The following CCDC82 variants were observed in gnomAD, a reference collection of about 807,000 sequenced individuals.
The protein encoded by CCDC82 is coiled-coil domain-containing protein 82.
Under a neutral mutation model 60.6 loss-of-function variants are expected in CCDC82, and 47 were observed. The ratio of observed to expected loss-of-function variants is 0.77; its 90% CI spans 0.61 to 0.99. The LOEUF (loss-of-function observed/expected upper bound fraction) is 0.99. Ranked by LOEUF, CCDC82 falls within the 50% of genes least tolerant of loss-of-function variation. The pLI, the probability that CCDC82 is intolerant of heterozygous loss-of-function variation, is 0.00. For missense variants in CCDC82, 588 were observed against 633.0 expected (o/e 0.93, Z 0.76); for synonymous variants, 212 against 207.4 (o/e 1.02, Z -0.19).
In CCDC82 at chr11:96,359,188, GA is replaced by G. The variant is rs746133898; in HGVS notation, c.1381-11del. The G allele has an allele frequency of 1.3e-6, 2 of 1,548,284 alleles. No homozygotes were observed. Among genetic ancestry groups the G allele is most frequent in the East Asian group, 4.7e-5 (2 of 42,368 alleles). ...TGCCAACAGTGAACACCTAAATCAA[GA>G]AATAAAGATTGTTATCTGACAACGA... On this transcript the variant is annotated splice_polypyrimidine_tract_variant and intron_variant, in intron 8 of 9. Transcript: ENST00000646818.
intron 7 of CCDC82, 131 bp downstream of exon 7, chr11:96,370,882 G>A (rs1479941700): frequency 8.2e-6 from 6 of 728,152 alleles, no homozygotes; most frequent in Non-Finnish European, 1.2e-5. Flanking sequence ...TAGAAGATGT[G>A]AGAAATAATA....
In CCDC82 at chr11:96,362,069, A is replaced by C. The variant is rs372372518; in HGVS notation, c.1381-2891T>G. 1.9e-3 allele frequency among the ~76,000 whole-genome samples: 297 copies of C among 152,328 alleles called. 2 individuals carry two copies. The highest frequency in any genetic ancestry group is 0.012 in the South Asian group (60 of 4,830). On this transcript the variant is annotated intron_variant, in intron 8 of 9. Transcript: ENST00000646818. Reference sequence around the variant, plus strand: ...GTAAAAATTGGAAATGGAGCTAAAAATTGTCACTGAATTTTGCTAAAGCAG... The same window carrying C: ...GTAAAAATTGGAAATGGAGCTAAAACTTGTCACTGAATTTTGCTAAAGCAG...
At chr11:96,357,121 G>A in intron 9 of CCDC82, 1 of 985,448 alleles carries the variant, frequency 1.0e-6, no homozygotes, top group Non-Finnish European at 1.2e-6. Context: ...AAGGCACACA[G>A]TGAGAGGGAC....
chr11:96,369,599 T>A (rs1865150533), intron 7 of CCDC82, among the ~76,000 whole-genome samples: 1 of 152,194 alleles, frequency 6.6e-6, no homozygotes, highest in Admixed American at 6.5e-5. Flanking sequence ...TATATGGGCA[T>A]GGTTTCTGTC....
chr11:96,357,938 G>C (rs79911824), intron 9 of CCDC82: 23 of 985,394 alleles, frequency 2.3e-5, no homozygotes, highest in East Asian at 2.3e-4. Context: ...ATCAAGATGT[G>C]GGGGGCAGGC....
intron 4 of CCDC82, 96 bp from the exon 5 acceptor site, chr11:96,383,569 G>A: frequency 1.3e-6 from 1 of 754,220 alleles, no homozygotes; most frequent in Non-Finnish European, 2.1e-6. Context: ...GCAAAAAAAT[G>A]ATCCATAGTA....
intron 8 of CCDC82, chr11:96,359,401 C>T (rs1041186603): frequency 1.2e-5 from 5 of 408,814 alleles, no homozygotes; most frequent in East Asian, 4.7e-5. Flanking sequence ...TACCTATTAC[C>T]GGTATTAGGG....
At chr11:96,358,616 T>A in intron 9 of CCDC82, 1 of 1,235,570 alleles carries the variant, frequency 8.1e-7, no homozygotes, top group South Asian at 4.0e-5. Flanking sequence ...TCACAAGAAC[T>A]GTTCTAAAGA....
intron 5 of CCDC82, 97 bp downstream of exon 5, chr11:96,383,172 G>T (rs1565321456): frequency 4.0e-6 from 3 of 744,672 alleles, no homozygotes; most frequent in Non-Finnish European, 7.0e-6. Context: ...ACAGTTTCTA[G>T]TCAATGATTT....
chr11:96,369,329 G>A (rs1865130549), intron 7 of CCDC82, among the ~76,000 whole-genome samples: 1 of 152,196 alleles, frequency 6.6e-6, no homozygotes, highest in African/African-American at 2.4e-5. Context: ...AGAGCAAGAG[G>A]CTTACATTTC....
intron 2 of CCDC82, 163 bp from the exon 3 acceptor site, chr11:96,386,456 T>A (rs1181313513): frequency 6.6e-6 from 1 of 152,126 alleles, no homozygotes; most frequent in Non-Finnish European, 1.5e-5. Flanking sequence ...GGATGAAATA[T>A]AACTTTTATT....
intron 3 of CCDC82, 131 bp from the exon 4 acceptor site, chr11:96,384,892 A>T: frequency 1.8e-6 from 1 of 567,272 alleles, no homozygotes; most frequent in Non-Finnish European, 3.0e-6. Flanking sequence ...GAAATATCTG[A>T]GTGAAGATGG....
intron 9 of CCDC82, 116 bp downstream of exon 9, chr11:96,358,877 C>T (rs1247224735): frequency 1.9e-5 from 20 of 1,032,032 alleles, no homozygotes; most frequent in Admixed American, 2.6e-5. Context: ...AAAATACAAA[C>T]GACAGAAGAA....
intron 7 of CCDC82, among the ~76,000 whole-genome samples, chr11:96,366,234 G>C (rs1195519336): frequency 1.3e-5 from 2 of 152,154 alleles, no homozygotes. Flanking sequence ...ATATATAAGT[G>C]AAAATAAACT....
intron 7 of CCDC82, among the ~76,000 whole-genome samples, chr11:96,368,116 G>A (rs1294000705): frequency 4.6e-5 from 7 of 151,916 alleles, no homozygotes; most frequent in Non-Finnish European, 1.5e-5. Flanking sequence ...CACCACACCT[G>A]GCCTGGAATT....
intron 5 of CCDC82, among the ~76,000 whole-genome samples, chr11:96,380,231 T>G (rs925323072): frequency 1.3e-5 from 2 of 151,572 alleles, no homozygotes; most frequent in African/African-American, 2.4e-5. Flanking sequence ...AGATAAAATT[T>G]AAAATAGTAG....
intron 9 of CCDC82, chr11:96,355,502 A>C (rs1864299041): frequency 6.6e-6 from 1 of 152,216 alleles, no homozygotes; most frequent in African/African-American, 2.4e-5. Context: ...TCTAATCTCC[A>C]CAATCAAAAC....
In CCDC82 at chr11:96,384,637, T is replaced by A; in HGVS notation, c.111A>T (p.Leu37Phe). ...TATCAAGCTCTTCATCACTATCAAG[T>A]AATTGTGAGATACTACTTCTTTTAG... ...RRTKRSSISQLLDSDEELDSE... is the reference protein window; with the variant it reads ...RRTKRSSISQFLDSDEELDSE... The change falls in exon 4 of 10, where the codon TTA becomes TTT. Residue 37 changes from leucine (L) to phenylalanine (F), a missense_variant. Leu to Phe is a conservative substitution (Grantham distance 22). Coordinates refer to ENST00000646818, the MANE Select transcript of CCDC82 (RefSeq NM_024725.4). 6.2e-7 allele frequency: 1 copy of A among 1,613,648 alleles called. No individual in the cohort carries two copies. The highest frequency in any genetic ancestry group is 2.2e-5 in the East Asian group (1 of 44,856).
intron 5 of CCDC82, among the ~76,000 whole-genome samples, chr11:96,377,133 A>G (rs1037206580): frequency 3.3e-5 from 5 of 152,210 alleles, no homozygotes; most frequent in African/African-American, 1.2e-4. Flanking sequence ...TGGAATGGAG[A>G]TATCAGCCTA....
Sources: allele counts gnomAD v4.1 joint callset (sites outside exome capture counted in the v4.1 genomes callset), GRCh38; gene constraint gnomAD v4.1.1; transcripts MANE v1.5; gene names NCBI Gene and HGNC (gene_info 2026-07-23, HGNC 2026-07-21).